NTM: variants seen among roughly 807,000 people sequenced by gnomAD.
NTM encodes the protein neurotrimin, also known as IgLON family member 2.
A neutral mutation model predicts 42.1 loss-of-function variants in NTM; 13 were observed. The observed-to-expected ratio is 0.31, with a 90% CI of 0.20 to 0.49. NTM has a LOEUF of 0.49. NTM is among the 20% of genes least tolerant of loss of function. The pLI, the probability that NTM is intolerant of heterozygous loss-of-function variation, is 0.99. For missense variants in NTM, 373 were observed against 452.8 expected, an observed-to-expected ratio of 0.82 and a Z score of 1.60; for synonymous variants, 187 against 179.2, an observed-to-expected ratio of 1.04 and a Z score of -0.35.
At chr11:131,836,790 G>T (rs1346867261) in intron 1 of NTM, among the ~76,000 whole-genome samples, 2 of 152,170 alleles carry the variant, frequency 1.3e-5, no homozygotes, top group African/African-American at 4.8e-5. Flanking sequence ...AAAAATCTAG[G>T]CAGTTGTTTG....
At chr11:131,493,478 A>G (rs1346741275) in intron 1 of NTM, among the ~76,000 whole-genome samples, 1 of 152,124 alleles carries the variant, frequency 6.6e-6, no homozygotes, top group Non-Finnish European at 1.5e-5. Flanking sequence ...GGCCATTCAT[A>G]AAGGGGAAAA....
intron 2 of NTM, among the ~76,000 whole-genome samples, chr11:132,024,338 A>C (rs1407442789): frequency 6.6e-6 from 1 of 152,120 alleles, no homozygotes; most frequent in African/African-American, 2.4e-5. Context: ...TCTGAGGGGC[A>C]CTGGTTCCAG....
intron 1 of NTM, among the ~76,000 whole-genome samples, chr11:131,580,887 G>A (rs1514647): frequency 0.27 from 41,540 of 152,032 alleles, 7,839 homozygotes; most frequent in African/African-American, 0.54. Context: ...AACCACAGTC[G>A]CAGGGGAAGT....
chr11:131,753,585 C>G (rs2082868312), intron 1 of NTM, among the ~76,000 whole-genome samples: 1 of 147,722 alleles, frequency 6.8e-6, no homozygotes, highest in Non-Finnish European at 1.5e-5. Context: ...AGTTCATGTC[C>G]TTTGTAGGGA....
chr11:131,815,553 G>A (rs1329915914), intron 1 of NTM, among the ~76,000 whole-genome samples: 1 of 152,144 alleles, frequency 6.6e-6, no homozygotes, highest in Non-Finnish European at 1.5e-5. Flanking sequence ...GAAGTAAAAT[G>A]AAGCCAGCGA....
At chr11:132,135,231 C>T (rs2067667224) in intron 2 of NTM, among the ~76,000 whole-genome samples, 1 of 152,192 alleles carries the variant, frequency 6.6e-6, no homozygotes, top group Non-Finnish European at 1.5e-5. Flanking sequence ...GCCCCGTGTC[C>T]TCTCTCCCAG....
chr11:131,627,838 G>A (rs1386257373), intron 1 of NTM, among the ~76,000 whole-genome samples: 1 of 152,010 alleles, frequency 6.6e-6, no homozygotes, highest in East Asian at 1.9e-4. Context: ...CTTAACAAAT[G>A]TATATATAAA....
At chr11:131,983,402 G>A (rs895468486) in intron 2 of NTM, among the ~76,000 whole-genome samples, 2 of 137,138 alleles carry the variant, frequency 1.5e-5, no homozygotes, top group Non-Finnish European at 3.1e-5. Context: ...TTGAGATGGA[G>A]TCTCGCTCTG....
intron 2 of NTM, among the ~76,000 whole-genome samples, chr11:132,119,154 G>T (rs1015347010): frequency 1.3e-5 from 2 of 152,186 alleles, no homozygotes; most frequent in Non-Finnish European, 2.9e-5. Flanking sequence ...TGTGTCTGGA[G>T]CTTATTCCCA....
At chr11:131,444,450 C>A (rs146389122) in intron 1 of NTM, among the ~76,000 whole-genome samples, 3 of 152,092 alleles carry the variant, frequency 2.0e-5, no homozygotes, top group African/African-American at 7.2e-5. Context: ...CTTGGGTGAT[C>A]TGACTAAAAG....
chr11:131,910,666 C>G (rs529234560), intron 1 of NTM, among the ~76,000 whole-genome samples: 1 of 150,306 alleles, frequency 6.7e-6, no homozygotes, highest in South Asian at 2.1e-4. Context: ...GGCCGCTGAG[C>G]TTGGCGTCCG....
intron 2 of NTM, among the ~76,000 whole-genome samples, chr11:132,078,841 GC>G (rs1415141879): frequency 4.6e-5 from 7 of 152,178 alleles, no homozygotes; most frequent in Non-Finnish European, 2.9e-5. Flanking sequence ...TTTGTTATAA[GC>G]CTTTTCAAAA....
At chr11:131,810,803 C>T (rs2136307396) in intron 1 of NTM, among the ~76,000 whole-genome samples, 1 of 152,228 alleles carries the variant, frequency 6.6e-6, no homozygotes, top group African/African-American at 2.4e-5. Context: ...CTAGTCAGCT[C>T]AGTGGAGTAT....
intron 1 of NTM, among the ~76,000 whole-genome samples, chr11:131,382,248 A>T (rs1176130780): frequency 6.6e-6 from 1 of 152,114 alleles, no homozygotes; most frequent in African/African-American, 2.4e-5. Flanking sequence ...CTTGACTGGG[A>T]GACTGGGATC....
chr11:132,050,255 T>G (rs2135908978), intron 2 of NTM, among the ~76,000 whole-genome samples: 1 of 152,226 alleles, frequency 6.6e-6, no homozygotes, highest in African/African-American at 2.4e-5. Flanking sequence ...GTCAAGCAGC[T>G]GGAGAGGGAA....
chr11:131,741,776 A>G (rs955258350), intron 1 of NTM, among the ~76,000 whole-genome samples: 2 of 152,220 alleles, frequency 1.3e-5, no homozygotes, highest in Non-Finnish European at 2.9e-5. Context: ...GCTTCCTTCG[A>G]TAGCTCAGCT....
intron 1 of NTM, among the ~76,000 whole-genome samples, chr11:131,734,635 C>A (rs192727097): frequency 5.9e-5 from 9 of 152,274 alleles, no homozygotes; most frequent in Admixed American, 5.2e-4. Flanking sequence ...ATGTCCTCTT[C>A]CTTTGGGGTA....
At chr11:131,424,596 TTTTC>T (rs1295662217) in intron 1 of NTM, among the ~76,000 whole-genome samples, 14 of 120,526 alleles carry the variant, frequency 1.2e-4, no homozygotes, top group East Asian at 1.2e-3. Flanking sequence ...ATTTCTTTTC[TTTTC>T]TTTTTTTTTT....
chr11:131,706,771 A>T (rs1592642460), intron 1 of NTM, among the ~76,000 whole-genome samples: 1 of 152,190 alleles, frequency 6.6e-6, no homozygotes, highest in Middle Eastern at 3.4e-3. Flanking sequence ...AAAATTTTTT[A>T]AAATCTTAAA....
Sources: allele counts gnomAD v4.1 joint callset (sites outside exome capture counted in the v4.1 genomes callset), GRCh38; gene constraint gnomAD v4.1.1; transcripts MANE v1.5; gene names NCBI Gene and HGNC (gene_info 2026-07-23, HGNC 2026-07-21).